Variants in UBE2E2 observed in about 807,000 individuals in gnomAD.
UBE2E2 encodes ubiquitin conjugating enzyme E2 E2.
In UBE2E2, 6 loss-of-function variants were observed where a neutral mutation model predicts 24.7. That is an observed-to-expected ratio of 0.24 (90% CI 0.13 to 0.48). UBE2E2 has a LOEUF of 0.48. Among genes scored for constraint, UBE2E2 ranks in the 20% least tolerant of loss-of-function variants. The probability of loss-of-function intolerance (pLI) is 0.99; values close to 1 mark genes in which losing one functional copy is unlikely to be tolerated. For missense variants in UBE2E2, 169 were observed against 245.0 expected, an observed-to-expected ratio of 0.69 and a Z score of 2.07; for synonymous variants, 104 against 83.6, an observed-to-expected ratio of 1.24 and a Z score of -1.33.
chr3:23,356,938 C>A (rs970148789), intron 3 of UBE2E2, among the ~76,000 whole-genome samples: 3 of 152,234 alleles, frequency 2.0e-5, no homozygotes, highest in Admixed American at 6.5e-5. Flanking sequence ...CACAGATACA[C>A]TGTGTAACTG....
At chr3:23,482,530 C>G (rs1699278870) in intron 3 of UBE2E2, among the ~76,000 whole-genome samples, 1 of 152,084 alleles carries the variant, frequency 6.6e-6, no homozygotes, top group South Asian at 2.1e-4. Flanking sequence ...GTCATGCTGC[C>G]CACGCTGTTC....
At chr3:23,475,031 A>G (rs1699097719) in intron 3 of UBE2E2, among the ~76,000 whole-genome samples, 1 of 151,908 alleles carries the variant, frequency 6.6e-6, no homozygotes, top group Admixed American at 6.6e-5. Flanking sequence ...TTCCTTCACC[A>G]CTCTGCAATA....
At chr3:23,239,182 A>C (rs1697192924) in intron 3 of UBE2E2, among the ~76,000 whole-genome samples, 1 of 152,118 alleles carries the variant, frequency 6.6e-6, no homozygotes, top group Non-Finnish European at 1.5e-5. Flanking sequence ...TGATACCGTA[A>C]TATAGTGATC....
At chr3:23,406,400 C>T (rs1697357156) in intron 3 of UBE2E2, among the ~76,000 whole-genome samples, 2 of 152,202 alleles carry the variant, frequency 1.3e-5, no homozygotes. Context: ...TTGACCAAAC[C>T]TCCATTTGCC....
intron 2 of UBE2E2, among the ~76,000 whole-genome samples, chr3:23,214,848 C>T (rs1696431461): frequency 6.6e-6 from 1 of 151,920 alleles, no homozygotes; most frequent in Non-Finnish European, 1.5e-5. Context: ...CTCCCAATTC[C>T]ATTCCCTTGA....
At chr3:23,246,222 ATTTT>A (rs398051684) in intron 3 of UBE2E2, among the ~76,000 whole-genome samples, 7 of 102,230 alleles carry the variant, frequency 6.8e-5, no homozygotes, top group Non-Finnish European at 1.2e-4. Flanking sequence ...TGCGTGGCTA[ATTTT>A]TTTTTTTTTT....
intron 5 of UBE2E2, among the ~76,000 whole-genome samples, chr3:23,541,661 A>C (rs1695399153): frequency 6.6e-6 from 1 of 152,100 alleles, no homozygotes; most frequent in Admixed American, 6.5e-5. Flanking sequence ...AGCTTTTATA[A>C]AGTTGAATTT....
At chr3:23,212,887 TACCACC>T in intron 2 of UBE2E2, among the ~76,000 whole-genome samples, 1 of 152,162 alleles carries the variant, frequency 6.6e-6, no homozygotes, top group Admixed American at 6.5e-5. Context: ...ATATAGTATA[TACCACC>T]ATTTAGAATG....
rs184884183 is a variant in UBE2E2, at chr3:23,360,456, A to G, written c.228-139152A>G. Reference sequence around the variant, plus strand: ...TTGTCCTCAAAGAGCTTGCTATGTAATTGTTCAAATAGACATAAGAAAATA... The same window carrying G: ...TTGTCCTCAAAGAGCTTGCTATGTAGTTGTTCAAATAGACATAAGAAAATA... On this transcript the variant is annotated intron_variant, in intron 3 of 5. Coordinates refer to ENST00000396703, the MANE Select transcript of UBE2E2 (RefSeq NM_152653.4). Among the ~76,000 whole-genome samples the G allele has an allele frequency of 9.8e-4, 149 of 152,310 alleles. No homozygotes were observed. In the Middle Eastern group the frequency reaches 0.01, roughly 10 times the overall value.
intron 3 of UBE2E2, chr3:23,271,168 G>A: frequency 2.4e-6 from 1 of 409,524 alleles, no homozygotes. Context: ...TATTGTGTCT[G>A]GAATTGGTGG....
intron 3 of UBE2E2, among the ~76,000 whole-genome samples, chr3:23,330,617 A>G: frequency 6.6e-6 from 1 of 152,238 alleles, no homozygotes. Flanking sequence ...CTGGAGGTGT[A>G]TGGAGAGAAT....
chr3:23,377,955 ACT>A (rs1052339112), intron 3 of UBE2E2, among the ~76,000 whole-genome samples: 1 of 152,082 alleles, frequency 6.6e-6, no homozygotes, highest in African/African-American at 2.4e-5. Flanking sequence ...ATATTATATA[ACT>A]CTATAGGTAA....
chr3:23,224,360 A>G (rs1385695034), intron 3 of UBE2E2, among the ~76,000 whole-genome samples: 1 of 151,590 alleles, frequency 6.6e-6, no homozygotes, highest in Non-Finnish European at 1.5e-5. Flanking sequence ...TTTTCTTTGT[A>G]TGAGTCTTTC....
intron 4 of UBE2E2, among the ~76,000 whole-genome samples, 158 bp downstream of exon 4, chr3:23,499,898 T>C (rs1018023809): frequency 2.0e-5 from 3 of 152,196 alleles, no homozygotes; most frequent in Admixed American, 2.0e-4. Flanking sequence ...ATGTAAAAAA[T>C]TGTAGGTTAT....
At chr3:23,203,220 G>A (rs990045150), upstream of UBE2E2, 13 of 987,478 alleles carry the variant, frequency 1.3e-5, no homozygotes, top group Non-Finnish European at 1.6e-5. Flanking sequence ...CTCAGGAGCC[G>A]GAGCTGGAAC....
chr3:23,232,807 G>A (rs1326400110), intron 3 of UBE2E2, among the ~76,000 whole-genome samples: 1 of 152,164 alleles, frequency 6.6e-6, no homozygotes, highest in Non-Finnish European at 1.5e-5. Flanking sequence ...CCAATCCTAC[G>A]AAAAGATGAC....
intron 5 of UBE2E2, among the ~76,000 whole-genome samples, chr3:23,579,112 G>T (rs1457366416): frequency 1.3e-5 from 2 of 152,154 alleles, no homozygotes; most frequent in Admixed American, 6.6e-5. Flanking sequence ...AGAAAACTAG[G>T]CAGGGCGTGG....
rs191993971 is a variant in UBE2E2, at chr3:23,444,626, C to T, written c.228-54982C>T. On this transcript the variant is annotated intron_variant, in intron 3 of 5. Transcript: ENST00000396703. Reference sequence around the variant, plus strand: ...AATGGCCATTGCTTCAATGCATATGCATATACCATACCCTGGAGGGCAGTG... The same window carrying T: ...AATGGCCATTGCTTCAATGCATATGTATATACCATACCCTGGAGGGCAGTG... Among the ~76,000 whole-genome samples the T allele has an allele frequency of 9.1e-4, 138 of 152,314 alleles. 2 individuals carry two copies. The highest frequency in any genetic ancestry group is 3.2e-3 in the African/African-American group (132 of 41,564).
intron 3 of UBE2E2, among the ~76,000 whole-genome samples, chr3:23,361,901 T>C (rs1345708782): frequency 1.3e-5 from 2 of 152,238 alleles, no homozygotes; most frequent in Admixed American, 6.5e-5. Context: ...TGTATTTGAA[T>C]GTTGAGTATA....
Sources: gnomAD v4.1 joint callset for allele counts (sites outside exome capture counted in the v4.1 genomes callset) on GRCh38, gnomAD v4.1.1 for gene constraint, MANE v1.5 for transcripts, NCBI Gene and HGNC (gene_info 2026-07-23, HGNC 2026-07-21) for gene names.